TFCP2: variants seen among roughly 807,000 people sequenced by gnomAD.
The protein encoded by TFCP2 is alpha-globin transcription factor CP2.
In TFCP2, 33 loss-of-function variants were observed where a neutral mutation model predicts 73.4. The ratio of observed to expected loss-of-function variants is 0.45; its 90% CI spans 0.34 to 0.60. The LOEUF is 0.60. TFCP2 is among the 20% of genes least tolerant of loss of function. The pLI, the probability that TFCP2 is intolerant of heterozygous loss-of-function variation, is 0.01. For missense variants in TFCP2, 352 were observed against 604.0 expected, an observed-to-expected ratio of 0.58 and a Z score of 4.37; for synonymous variants, 193 against 211.6, an observed-to-expected ratio of 0.91 and a Z score of 0.76.
chr12:51,143,848 A>G (rs2640528), intron 1 of TFCP2, among the ~76,000 whole-genome samples: 138,874 of 152,114 alleles, frequency 0.91, 63,783 homozygotes, highest in Non-Finnish European at 0.97. Flanking sequence ...ACCCAGCAAC[A>G]AAAGTACAGA....
chr12:51,120,152 TG>T (rs1198864844), intron 1 of TFCP2, among the ~76,000 whole-genome samples: 2 of 114,716 alleles, frequency 1.7e-5, no homozygotes, highest in African/African-American at 7.0e-5. Flanking sequence ...CACTCCAGCC[TG>T]GGCAACAAAG....
rs752870730 is a variant in TFCP2 at position 51,095,290 on chromosome 12, AAG to A, written c.1472-14_1472-13del. 5.9e-5 allele frequency: 95 copies of A among 1,611,944 alleles called. No individual in the cohort carries two copies. The highest frequency in any genetic ancestry group is 1.6e-4 in the Middle Eastern group (1 of 6,076). Reference sequence around the variant, plus strand: ...ATCATTGGTTTCTGCTGTTAAAAAAAAGAGAGAGAGAGAATCATCTTTAGTCA... The same window carrying A: ...ATCATTGGTTTCTGCTGTTAAAAAAAAGAGAGAGAGAATCATCTTTAGTCA... On this transcript the variant is annotated splice_polypyrimidine_tract_variant and intron_variant, in intron 14 of 14. Transcript: ENST00000257915.
chr12:51,137,696 T>G (rs934475976), intron 1 of TFCP2, among the ~76,000 whole-genome samples: 6 of 152,230 alleles, frequency 3.9e-5, no homozygotes, highest in Non-Finnish European at 5.9e-5. Flanking sequence ...GCAATATTCA[T>G]AGGCTATATG....
chr12:51,159,007 C>CAAAA (rs1390552711), intron 1 of TFCP2, among the ~76,000 whole-genome samples: 2 of 15,508 alleles, frequency 1.3e-4, no homozygotes, highest in Non-Finnish European at 2.3e-4. Flanking sequence ...ACTAAAAATC[C>CAAAA]AAAAAAAAAA....
chr12:51,152,303 A>G (rs75513341), intron 1 of TFCP2, among the ~76,000 whole-genome samples: 1,883 of 152,312 alleles, frequency 0.012, 38 homozygotes, highest in African/African-American at 0.043. Flanking sequence ...GCTCTACAAA[A>G]TAACTACCCT....
intron 1 of TFCP2, among the ~76,000 whole-genome samples, chr12:51,132,731 C>T (rs1325830375): frequency 1.3e-5 from 2 of 152,050 alleles, no homozygotes; most frequent in African/African-American, 4.8e-5. Flanking sequence ...CCCTGAACTG[C>T]TAGTAAGAAG....
intron 4 of TFCP2, among the ~76,000 whole-genome samples, chr12:51,114,604 C>A (rs1940476845): frequency 6.7e-6 from 1 of 149,974 alleles, no homozygotes; most frequent in Admixed American, 6.7e-5. Flanking sequence ...GACTCCATCT[C>A]AAAAATAAAT....
intron 3 of TFCP2, among the ~76,000 whole-genome samples, chr12:51,116,806 A>G (rs1940538606): frequency 6.6e-6 from 1 of 152,190 alleles, no homozygotes; most frequent in Admixed American, 6.6e-5. Context: ...TTGTAGAGAC[A>G]GGGTTTCTCC....
At chr12:51,098,543 T>C (rs1450321741) in intron 13 of TFCP2, among the ~76,000 whole-genome samples, 2 of 151,952 alleles carry the variant, frequency 1.3e-5, no homozygotes, top group Non-Finnish European at 2.9e-5. Flanking sequence ...GGAGAATCAC[T>C]TGAATCCAGG....
rs558664437 is a variant in TFCP2, at chr12:51,098,267, C to T, written c.1419+509G>A. The stretch of plus-strand genomic sequence containing the variant: ...TGCCCAGAAATGACATCTTTTACAA[C>T]TATTTAAACTTTAACAAAAAATTTT... On this transcript the variant is annotated intron_variant, in intron 13 of 14. Transcript: ENST00000257915. 1.2e-3 allele frequency among the ~76,000 whole-genome samples: 190 copies of T among 152,062 alleles called. 1 individual carries two copies. The highest frequency in any genetic ancestry group is 4.1e-3 in the African/African-American group (171 of 41,472).
At chr12:51,165,238 T>A (rs1420246561) in intron 1 of TFCP2, among the ~76,000 whole-genome samples, 1 of 151,956 alleles carries the variant, frequency 6.6e-6, no homozygotes, top group Non-Finnish European at 1.5e-5. Context: ...CCCATATGAA[T>A]ATAGAAATAA....
chr12:51,163,614 TAAC>T (rs1426487261), intron 1 of TFCP2, among the ~76,000 whole-genome samples: 1 of 151,056 alleles, frequency 6.6e-6, no homozygotes, highest in Admixed American at 6.6e-5. Context: ...TAAATAATAA[TAAC>T]AATAATAAAA....
chr12:51,098,327 T>C (rs1940017593), intron 13 of TFCP2, among the ~76,000 whole-genome samples: 1 of 151,856 alleles, frequency 6.6e-6, no homozygotes, highest in South Asian at 2.1e-4. Context: ...GAATATGTGG[T>C]TTTTAAAATA....
intron 1 of TFCP2, among the ~76,000 whole-genome samples, chr12:51,157,676 C>CTTT (rs1565578176): frequency 8.0e-5 from 9 of 112,688 alleles, no homozygotes; most frequent in African/African-American, 2.7e-4. Context: ...TGAGTTTTTT[C>CTTT]TTTTCTTTTC....
intron 8 of TFCP2, among the ~76,000 whole-genome samples, chr12:51,105,451 A>G (rs1940211010): frequency 6.6e-6 from 1 of 152,172 alleles, no homozygotes; most frequent in Admixed American, 6.5e-5. Context: ...GCCTACTTTT[A>G]TGGAAGAAAA....
chr12:51,154,179 GA>G (rs1347354891), intron 1 of TFCP2, among the ~76,000 whole-genome samples: 1 of 152,144 alleles, frequency 6.6e-6, no homozygotes, highest in Non-Finnish European at 1.5e-5. Flanking sequence ...ATCTCTTAGA[GA>G]CCCTGCTTTC....
At chr12:51,100,181 T>C (rs895849083) in intron 11 of TFCP2, among the ~76,000 whole-genome samples, 2 of 152,250 alleles carry the variant, frequency 1.3e-5, no homozygotes, top group South Asian at 4.1e-4. Flanking sequence ...TTGTGGCCTT[T>C]GGTGTAAAAG....
In TFCP2 at chr12:51,103,774, G is replaced by C; in HGVS notation, c.967-11C>G. 1 of 1,607,578 alleles carries C rather than the reference G, an allele frequency of 6.2e-7. No individual in the cohort carries two copies. Among genetic ancestry groups the C allele is most frequent in the Non-Finnish European group, 8.5e-7 (1 of 1,176,746 alleles). On this transcript the variant is annotated splice_polypyrimidine_tract_variant and intron_variant, in intron 9 of 14. Transcript: ENST00000257915. Reference sequence around the variant, plus strand: ...TGTTGGTAAGAGGTTCTGAAAGGGAGAGCACGTTTTTTAGATAACCAAATA... The same window carrying C: ...TGTTGGTAAGAGGTTCTGAAAGGGACAGCACGTTTTTTAGATAACCAAATA...
In TFCP2 at chr12:51,117,701, T is replaced by C. The variant is rs746916673; in HGVS notation, c.321A>G (p.Glu107=). The C allele has an allele frequency of 9.9e-6, 16 of 1,613,268 alleles. No individual in the cohort carries two copies. ...CCAATTTGCCATTAATTTCTGGAAG[T>C]TCTCCAAGTTTCCTATTGTCTAGCA... ...IRMLDNRKLG[E]LPEINGKLVK... is the part of the protein sequence containing the mutation. Residue 107 remains glutamate (E), a synonymous_variant, in exon 3 of 15, where the codon GAA becomes GAG. Transcript: ENST00000257915.
Sources: allele counts gnomAD v4.1 joint callset (sites outside exome capture counted in the v4.1 genomes callset), GRCh38; gene constraint gnomAD v4.1.1; transcripts MANE v1.5; gene names NCBI Gene and HGNC (gene_info 2026-07-23, HGNC 2026-07-21).